The following ULK4 variants were observed in gnomAD, a reference collection of about 807,000 sequenced individuals.
The protein encoded by ULK4 is inactive serine/threonine-protein kinase ULK4.
In ULK4, 133 loss-of-function variants were observed where a neutral mutation model predicts 160.6. The observed-to-expected ratio is 0.83, with a 90% CI of 0.72 to 0.96. The LOEUF is 0.96. ULK4 is among the 40% of genes least tolerant of loss of function. The pLI, the probability that ULK4 is intolerant of heterozygous loss-of-function variation, is 0.00. For missense variants in ULK4, 1,580 were observed against 1,499.5 expected, an observed-to-expected ratio of 1.05 and a Z score of -0.89; for synonymous variants, 534 against 539.8, an observed-to-expected ratio of 0.99 and a Z score of 0.15.
At chr3:41,279,919 T>C (rs1316436976) in intron 35 of ULK4, among the ~76,000 whole-genome samples, 1 of 152,026 alleles carries the variant, frequency 6.6e-6, no homozygotes, top group Non-Finnish European at 1.5e-5. Flanking sequence ...GAGACACACA[T>C]AGACTCAAAA....
intron 32 of ULK4, among the ~76,000 whole-genome samples, chr3:41,488,489 C>T (rs1196727268): frequency 2.6e-5 from 4 of 152,206 alleles, no homozygotes; most frequent in South Asian, 2.1e-4. Flanking sequence ...ACTTCATACG[C>T]TTCTGCATTA....
intron 18 of ULK4, among the ~76,000 whole-genome samples, chr3:41,835,444 C>A (rs2041725243): frequency 6.6e-6 from 1 of 152,174 alleles, no homozygotes; most frequent in African/African-American, 2.4e-5. Flanking sequence ...TCTGCCTTCA[C>A]AAATGCCCAT....
chr3:41,728,361 C>G (rs572130795), intron 22 of ULK4, among the ~76,000 whole-genome samples: 6 of 152,144 alleles, frequency 3.9e-5, no homozygotes, highest in Admixed American at 3.9e-4. Flanking sequence ...CAAAGGGGTG[C>G]CAGGGTGTGC....
intron 34 of ULK4, among the ~76,000 whole-genome samples, chr3:41,418,978 A>G (rs2082595514): frequency 6.6e-6 from 1 of 152,216 alleles, no homozygotes; most frequent in African/African-American, 2.4e-5. Flanking sequence ...AAGTGAGGGA[A>G]GGAGTCATGT....
intron 34 of ULK4, 137 bp downstream of exon 34, chr3:41,455,360 A>C (rs889802244): frequency 4.0e-6 from 3 of 752,452 alleles, no homozygotes; most frequent in Non-Finnish European, 6.1e-6. Context: ...TTCCAGGCCA[A>C]ATAATCTTCT....
intron 34 of ULK4, among the ~76,000 whole-genome samples, chr3:41,414,884 A>G (rs1028732019): frequency 6.6e-6 from 1 of 152,200 alleles, no homozygotes; most frequent in African/African-American, 2.4e-5. Flanking sequence ...CAGGTACACT[A>G]TATTTTTAAA....
chr3:41,525,904 T>C (rs564108909), intron 32 of ULK4, among the ~76,000 whole-genome samples: 1 of 152,356 alleles, frequency 6.6e-6, no homozygotes, highest in South Asian at 2.1e-4. Flanking sequence ...TTTCATTTCC[T>C]GTCATTTTGT....
At chr3:41,478,802 A>T (rs928456015) in intron 32 of ULK4, among the ~76,000 whole-genome samples, 10 of 152,236 alleles carry the variant, frequency 6.6e-5, no homozygotes, top group African/African-American at 2.4e-4. Flanking sequence ...GAGAATACAG[A>T]AAGTAGGAGT....
chr3:41,915,125 A>T (rs942830558), intron 8 of ULK4, among the ~76,000 whole-genome samples: 4 of 152,192 alleles, frequency 2.6e-5, no homozygotes, highest in African/African-American at 9.7e-5. Context: ...ATGTGGATAC[A>T]CCGTCTTAAG....
At chr3:41,499,685 A>C (rs2085121824) in intron 32 of ULK4, among the ~76,000 whole-genome samples, 1 of 152,242 alleles carries the variant, frequency 6.6e-6, no homozygotes, top group South Asian at 2.1e-4. Flanking sequence ...AAGGCCTGCC[A>C]ACTTTACGTT....
intron 30 of ULK4, among the ~76,000 whole-genome samples, chr3:41,645,434 C>T (rs568918158): frequency 6.6e-6 from 1 of 151,996 alleles, no homozygotes; most frequent in Admixed American, 6.5e-5. Flanking sequence ...TTATTTCTGC[C>T]TTTGTTTCGT....
At chr3:41,812,949 T>TG (rs2040860764) in intron 19 of ULK4, among the ~76,000 whole-genome samples, 1 of 152,246 alleles carries the variant, frequency 6.6e-6, no homozygotes, top group African/African-American at 2.4e-5. Flanking sequence ...ACACAGAAGC[T>TG]GGAAATAGCC....
intron 16 of ULK4, among the ~76,000 whole-genome samples, chr3:41,891,486 A>G (rs114180338): frequency 1.1e-3 from 135 of 124,752 alleles, no homozygotes; most frequent in African/African-American, 4.5e-3. Context: ...CAGAAGAGGG[A>G]AAAAAAAAAA....
At position 41,931,127 on chromosome 3, in the gene ULK4, T is replaced by C. The variant is rs1047812087; in HGVS notation, c.541+717A>G. Among the ~76,000 whole-genome samples the C allele has an allele frequency of 5.9e-5, 9 of 152,298 alleles. No homozygotes were observed. The South Asian group carries it at 1.2e-3, about 21-fold the overall frequency. On this transcript the variant is annotated intron_variant, in intron 5 of 36. Coordinates refer to ENST00000301831, the MANE Select transcript of ULK4 (RefSeq NM_017886.4). ...CTGGATAAAGAAAATGTGGCACATA[T>C]ACACCACAGAATACTATGCAGCCAT...
At chr3:41,568,542 TG>T (rs2125607473) in intron 31 of ULK4, among the ~76,000 whole-genome samples, 1 of 152,354 alleles carries the variant, frequency 6.6e-6, no homozygotes, top group East Asian at 1.9e-4. Context: ...ATATATTTAT[TG>T]TGCATCTAAT....
At chr3:41,631,077 G>A (rs1392147010) in intron 30 of ULK4, among the ~76,000 whole-genome samples, 2 of 152,114 alleles carry the variant, frequency 1.3e-5, no homozygotes, top group Non-Finnish European at 2.9e-5. Flanking sequence ...GTTTAGCTAT[G>A]GTATGATATT....
intron 22 of ULK4, among the ~76,000 whole-genome samples, chr3:41,723,778 G>A (rs566369396): frequency 6.6e-5 from 10 of 152,234 alleles, no homozygotes; most frequent in African/African-American, 1.9e-4. Context: ...CTGCAAACAG[G>A]GGACTAAGTA....
intron 21 of ULK4, among the ~76,000 whole-genome samples, chr3:41,765,031 A>G (rs1221596256): frequency 1.3e-5 from 2 of 152,158 alleles, no homozygotes; most frequent in African/African-American, 2.4e-5. Context: ...TAGAAATACC[A>G]TTTGACCCAG....
chr3:41,288,069 T>C (rs937877532), intron 35 of ULK4, among the ~76,000 whole-genome samples: 1 of 152,240 alleles, frequency 6.6e-6, no homozygotes, highest in Non-Finnish European at 1.5e-5. Flanking sequence ...GAGAACACGA[T>C]GATTTCTTTG....
Sources: gnomAD v4.1 joint callset for allele counts (sites outside exome capture counted in the v4.1 genomes callset) on GRCh38, gnomAD v4.1.1 for gene constraint, MANE v1.5 for transcripts, NCBI Gene and HGNC (gene_info 2026-07-23, HGNC 2026-07-21) for gene names.